ATXN7: variants seen among roughly 807,000 people sequenced by gnomAD.
ATXN7 encodes the protein ataxin-7.
ATXN7 carries 12 observed loss-of-function variants against 70.5 expected under a neutral mutation model. That is an observed-to-expected ratio of 0.17 (90% CI 0.11 to 0.28). ATXN7 has a LOEUF of 0.28. Ranked by LOEUF, ATXN7 falls within the 10% of genes least tolerant of loss-of-function variation. The pLI, the probability that ATXN7 is intolerant of heterozygous loss-of-function variation, is 1.00. For missense variants in ATXN7, 1,256 were observed against 1,131.7 expected (o/e 1.11, Z -1.58); for synonymous variants, 498 against 448.7 (o/e 1.11, Z -1.39).
intron 11 of ATXN7, among the ~76,000 whole-genome samples, chr3:63,992,361 A>C (rs1294779128): frequency 1.3e-5 from 2 of 152,184 alleles, no homozygotes; most frequent in African/African-American, 4.8e-5. Flanking sequence ...ACACAGAATC[A>C]GGGGACTGGG....
chr3:63,901,236 T>G (rs960823803), intron 2 of ATXN7: 3 of 152,256 alleles, frequency 2.0e-5, no homozygotes, highest in Admixed American at 1.3e-4. Flanking sequence ...CTAATTAACG[T>G]AGGCATTACT....
chr3:63,971,483 G>T (rs1366152495), intron 5 of ATXN7, among the ~76,000 whole-genome samples: 1 of 152,180 alleles, frequency 6.6e-6, no homozygotes, highest in Non-Finnish European at 1.5e-5. Context: ...AGAGTGGATG[G>T]AGTAGGACCA....
chr3:63,992,175 C>T (rs1342320863), intron 11 of ATXN7, among the ~76,000 whole-genome samples: 4 of 152,198 alleles, frequency 2.6e-5, no homozygotes, highest in African/African-American at 9.6e-5. Flanking sequence ...TAGTCGGAGG[C>T]CTTGGATTGT....
intron 4 of ATXN7, among the ~76,000 whole-genome samples, chr3:63,938,325 G>A (rs1250490785): frequency 2.0e-5 from 3 of 152,134 alleles, no homozygotes; most frequent in Non-Finnish European, 2.9e-5. Context: ...ATGAACTAAC[G>A]ATCAAAACAA....
chr3:63,976,343 G>A (rs149550033), intron 5 of ATXN7, among the ~76,000 whole-genome samples: 3 of 152,296 alleles, frequency 2.0e-5, no homozygotes, highest in Non-Finnish European at 2.9e-5. Flanking sequence ...TTACCAGTCC[G>A]TGATAATTCA....
At chr3:63,887,923 A>G (rs1460955162) in intron 1 of ATXN7, among the ~76,000 whole-genome samples, 2 of 150,140 alleles carry the variant, frequency 1.3e-5, no homozygotes, top group African/African-American at 4.9e-5. Flanking sequence ...AGATTTTAGG[A>G]TATAAGGAAA....
In ATXN7 at chr3:63,995,853, C is replaced by G; in HGVS notation, c.2031C>G (p.Ser677Arg). The G allele has an allele frequency of 3.1e-6, 5 of 1,614,224 alleles. No individual in the cohort carries two copies. The highest frequency in any genetic ancestry group is 2.5e-6 in the Non-Finnish European group (3 of 1,180,038). ...MSRKPQKLKSSKSLRPKESSG... is the reference protein window; with the variant it reads ...MSRKPQKLKSRKSLRPKESSG... ...GGAAACCTCAGAAATTGAAATCCAG[C>G]AAATCTTTGAGGCCCAAGGAGTCTT... The change falls in exon 12 of 13, where the codon AGC becomes AGG. Residue 677 changes from serine (S) to arginine (R), a missense_variant. Coordinates refer to ENST00000674280, the MANE Select transcript of ATXN7 (RefSeq NM_001377405.1).
intron 5 of ATXN7, among the ~76,000 whole-genome samples, chr3:63,979,384 G>C (rs747015845): frequency 2.6e-5 from 4 of 152,288 alleles, no homozygotes; most frequent in Middle Eastern, 3.4e-3. Flanking sequence ...GGAACGATAA[G>C]ATAACCCTAG....
At chr3:63,953,660 T>TC in intron 5 of ATXN7, among the ~76,000 whole-genome samples, 1 of 151,280 alleles carries the variant, frequency 6.6e-6, no homozygotes, top group East Asian at 1.9e-4. Context: ...ATACTTCTTT[T>TC]TTTTTTTTTT....
chr3:63,968,099 T>G (rs2075256357), intron 5 of ATXN7: 6 of 768,450 alleles, frequency 7.8e-6, no homozygotes, highest in Non-Finnish European at 1.0e-5. Flanking sequence ...TTGGGAAGAG[T>G]TTATGCAGGC....
chr3:64,000,803 A>C lies in ATXN7; in HGVS notation c.*1336A>C, dbSNP rs1480444444. 9 of 79,000 alleles carry C rather than the reference A, an allele frequency of 1.1e-4. No homozygotes were observed. Among genetic ancestry groups the C allele is most frequent in the Admixed American group, 2.0e-4 (1 of 4,992 alleles). 4.9% of individuals were successfully genotyped at this position (79,000 alleles called of 1,614,324 possible). The stretch of plus-strand genomic sequence containing the variant: ...TCTAGGATATTTTTTCTAGTACCCC[A>C]CCCCCCACCCCTAAAGAAAGACCTT... On this transcript the variant is annotated 3_prime_UTR_variant, in exon 13 of 13. Coordinates refer to ENST00000674280, the MANE Select transcript of ATXN7 (RefSeq NM_001377405.1).
At chr3:63,922,996 T>C (rs748428957) in intron 4 of ATXN7, among the ~76,000 whole-genome samples, 1 of 152,222 alleles carries the variant, frequency 6.6e-6, no homozygotes, top group African/African-American at 2.4e-5. Context: ...GTAACTACTT[T>C]GGGCAGTTAC....
rs1375394849 is a variant in ATXN7, at chr3:64,003,362, T to C, written c.*3895T>C. ...TAGAACATGAACAAATGTCAAGGGA[T>C]AGAAAATTACTTTGGATATTTAAAA... On this transcript the variant is annotated 3_prime_UTR_variant, in exon 13 of 13. Transcript: ENST00000674280. 6.6e-6 allele frequency: 1 copy of C among 152,132 alleles called. No individual in the cohort carries two copies. The highest frequency in any genetic ancestry group is 6.5e-5 in the Admixed American group (1 of 15,268). 9.4% of individuals were successfully genotyped at this position (152,132 alleles called of 1,614,324 possible).
intron 1 of ATXN7, among the ~76,000 whole-genome samples, chr3:63,876,781 G>A (rs1406730383): frequency 6.6e-6 from 1 of 152,098 alleles, no homozygotes; most frequent in Admixed American, 6.6e-5. Flanking sequence ...GCTGTAGACT[G>A]GAAAGTTTTT....
intron 5 of ATXN7, among the ~76,000 whole-genome samples, chr3:63,973,986 C>G (rs1282982023): frequency 6.6e-6 from 1 of 152,122 alleles, no homozygotes; most frequent in Admixed American, 6.5e-5. Context: ...GAAAGCATCC[C>G]AAATGGGAAG....
At chr3:63,913,779 C>T (rs1297692377) in intron 4 of ATXN7, among the ~76,000 whole-genome samples, 1 of 152,084 alleles carries the variant, frequency 6.6e-6, no homozygotes, top group Non-Finnish European at 1.5e-5. Flanking sequence ...TTTATTTGGT[C>T]AAATAAGCCT....
chr3:63,971,006 T>C (rs888098890), intron 5 of ATXN7, among the ~76,000 whole-genome samples: 1 of 152,190 alleles, frequency 6.6e-6, no homozygotes, highest in Admixed American at 6.5e-5. Context: ...TTCTGCACTT[T>C]CCCGTTAGGT....
intron 6 of ATXN7, 28 bp downstream of exon 6, chr3:63,980,195 G>A (rs769660973): frequency 6.2e-7 from 1 of 1,612,786 alleles, no homozygotes. Context: ...GGTTTTTAAA[G>A]CTTACCTGCT....
chr3:63,903,055 TATCATCATC>T (rs770295546), intron 2 of ATXN7, among the ~76,000 whole-genome samples: 1 of 151,418 alleles, frequency 6.6e-6, no homozygotes, highest in East Asian at 1.9e-4. Flanking sequence ...TGCATAGACT[TATCATCATC>T]ATCATCATCA....
Sources: gnomAD v4.1 joint callset for allele counts (sites outside exome capture counted in the v4.1 genomes callset) on GRCh38, gnomAD v4.1.1 for gene constraint, MANE v1.5 for transcripts, NCBI Gene and HGNC (gene_info 2026-07-23, HGNC 2026-07-21) for gene names.